ADAMTS15: variants seen among roughly 807,000 people sequenced by gnomAD.
ADAMTS15 encodes the protein ADAM metallopeptidase with thrombospondin type 1 motif 15.
Under a neutral mutation model 79.1 loss-of-function variants are expected in ADAMTS15, and 35 were observed. That is an observed-to-expected ratio of 0.44 (90% CI 0.34 to 0.59). ADAMTS15 has a LOEUF of 0.59. Ranked by LOEUF, ADAMTS15 falls within the 20% of genes least tolerant of loss-of-function variation. The pLI, the probability that ADAMTS15 is intolerant of heterozygous loss-of-function variation, is 0.02. For synonymous variants in ADAMTS15, 616 were observed against 567.3 expected (o/e 1.09, Z -1.22); for missense variants, 1,324 against 1,318.7 (o/e 1.00, Z -0.06).
intron 1 of ADAMTS15, among the ~76,000 whole-genome samples, chr11:130,459,124 C>G (rs1191151811): frequency 1.3e-5 from 2 of 150,868 alleles, no homozygotes; most frequent in African/African-American, 4.9e-5. Context: ...GATTACCCTC[C>G]CAGGCTCAAG....
rs114428943 is a variant in ADAMTS15 at position 130,474,329 on chromosome 11, G to A, written c.*508G>A. 1,778 of 153,762 alleles carry A rather than the reference G, an allele frequency of 0.012. 21 individuals carry two copies. Among genetic ancestry groups the A allele is most frequent in the Admixed American group, 0.02 (307 of 15,480 alleles). 9.5% of individuals were successfully genotyped at this position (153,762 alleles called of 1,614,324 possible). A position where few individuals can be genotyped will look rare whatever the true frequency, so the allele number is the denominator to read the frequency against. ...GGACTAAGCAATAAAAGCTGGCTGG[G>A]GCTGGGCAGAAGCCACGGGGAGAGT... On this transcript the variant is annotated 3_prime_UTR_variant, in exon 8 of 8. Coordinates refer to ENST00000299164, the MANE Select transcript of ADAMTS15 (RefSeq NM_139055.4).
At chr11:130,470,210 G>A (rs12361928) in intron 5 of ADAMTS15, among the ~76,000 whole-genome samples, 932 of 32,190 alleles carry the variant, frequency 0.029, 38 homozygotes, top group African/African-American at 0.053. Flanking sequence ...ATATATATAT[G>A]TATATATATA....
Position 130,449,223 on chromosome 11 carries a change from C to T in ADAMTS15, c.250C>T (p.Leu84=). ...GGCTCCCGCCTTCTCCACTGAGCATCTGGGCGTCCCCCTCCAGGGGCTCAC... is the reference window on the plus strand; with the variant it reads ...GGCTCCCGCCTTCTCCACTGAGCATTTGGGCGTCCCCCTCCAGGGGCTCAC... ...FLAPAFSTEH[L]GVPLQGLTGG... is the part of the protein sequence containing the mutation. The change falls in exon 1 of 8, where the codon CTG becomes TTG. Residue 84 remains leucine (L), a synonymous_variant. Coordinates refer to ENST00000299164, the MANE Select transcript of ADAMTS15 (RefSeq NM_139055.4). This position sits in a 1 kb window ranked among gnomAD's most constrained non-coding sequence, Gnocchi z 7.8. 1 of 1,614,054 alleles carries T rather than the reference C, an allele frequency of 6.2e-7. No homozygotes were observed. Among genetic ancestry groups the T allele is most frequent in the Non-Finnish European group, 8.5e-7 (1 of 1,180,028 alleles).
Position 130,448,947 on chromosome 11 carries a change from C to G in ADAMTS15, c.-27C>G, listed in dbSNP as rs886171492. On this transcript the variant is annotated 5_prime_UTR_variant, in exon 1 of 8. Transcript: ENST00000299164. ...GAGAGCCCGGCCCAGCCCCTTCCCA[C>G]AGCGCGGCGGTGCGCTGCCCGGCGC... is the stretch of plus-strand genomic sequence containing the variant. 6.8e-7 allele frequency: 1 copy of G among 1,474,356 alleles called. No individual in the cohort carries two copies. The highest frequency in any genetic ancestry group is 2.4e-5 in the Admixed American group (1 of 41,560). 91.3% of individuals were successfully genotyped at this position (1,474,356 alleles called of 1,614,324 possible). A position where few individuals can be genotyped will look rare whatever the true frequency, so the allele number is the denominator to read the frequency against.
Position 130,461,614 on chromosome 11 carries a change from C to T in ADAMTS15, c.1083C>T (p.His361=), listed in dbSNP as rs192559172. 206 of 1,614,118 alleles carry T rather than the reference C, an allele frequency of 1.3e-4. No individual in the cohort carries two copies. The highest frequency in any genetic ancestry group is 1.6e-4 in the Non-Finnish European group (192 of 1,180,032). The change falls in exon 2 of 8, where the codon CAC becomes CAT. Residue 361 remains histidine (H), a synonymous_variant. Transcript: ENST00000299164. The part of the protein sequence containing the change: ...DGLPSAFTTA[H]ELGHVFNMPH... ...TTCCATCAGCCTTCACCACTGCCCA[C>T]GAGCTGGGTAAGGCTGGATAAGCTC... is the stretch of plus-strand genomic sequence containing the variant.
Position 130,472,082 on chromosome 11 carries a change from C to T in ADAMTS15, c.2078+699C>T, listed in dbSNP as rs903371023. Among the ~76,000 whole-genome samples the T allele has an allele frequency of 3.9e-5, 6 of 152,244 alleles. No individual in the cohort carries two copies. Among genetic ancestry groups the T allele is most frequent in the South Asian group, 4.1e-4 (2 of 4,836 alleles). The stretch of plus-strand genomic sequence containing the variant: ...CCAGCTTGAGCTTCCTGAGGTCAAA[C>T]ATATGCTCCTTGGAAAGCCCTGACC... On this transcript the variant is annotated intron_variant, in intron 7 of 7. Transcript: ENST00000299164. This position sits in a 1 kb window ranked among gnomAD's most constrained non-coding sequence, Gnocchi z 4.7.
rs550078596 is a variant in ADAMTS15 at position 130,454,331 on chromosome 11, T to G, written c.957+4401T>G. On this transcript the variant is annotated intron_variant, in intron 1 of 7. Coordinates refer to ENST00000299164, the MANE Select transcript of ADAMTS15 (RefSeq NM_139055.4). ...CCTGAGCTTGGTGCTATCTTCTTGT[T>G]TTGACCTTGAGCAGTACTGTGTTTC... 2.6e-5 allele frequency among the ~76,000 whole-genome samples: 4 copies of G among 152,338 alleles called. No homozygotes were observed. In the East Asian group the frequency reaches 5.8e-4, roughly 22 times the overall value.
rs377766675 is a variant in ADAMTS15, at chr11:130,473,364, A to G, written c.2396A>G (p.Tyr799Cys). Residue 799 changes from tyrosine (Y) to cysteine (C), a missense_variant, in exon 8 of 8, where the codon TAT (tyrosine) becomes TGT (cysteine). Coordinates refer to ENST00000299164, the MANE Select transcript of ADAMTS15 (RefSeq NM_139055.4). ...CCGCCCCGGGTCCGCTACTCCTTCT[A>G]TCTGCCCAAAGAGCCTCGGGAGGAC... The part of the protein sequence containing the change: ...MTPPRVRYSF[Y>C]LPKEPREDKS... 3.4e-5 allele frequency: 55 copies of G among 1,612,646 alleles called. No individual in the cohort carries two copies. The highest frequency in any genetic ancestry group is 4.2e-5 in the Non-Finnish European group (50 of 1,179,976).
At chr11:130,470,824 G>T in intron 5 of ADAMTS15, 96 bp from the exon 6 acceptor site, 4 of 1,394,430 alleles carry the variant, frequency 2.9e-6, no homozygotes, top group African/African-American at 1.4e-5. Context: ...GGTGGGAAGG[G>T]CTAAGAGAGC....
chr11:130,471,050 G>A lies in ADAMTS15; in HGVS notation c.1851G>A (p.Lys617=). 2 of 1,613,896 alleles carry A rather than the reference G, an allele frequency of 1.2e-6. No individual in the cohort carries two copies. Among genetic ancestry groups the A allele is most frequent in the Non-Finnish European group, 1.7e-6 (2 of 1,180,038 alleles). The change falls in exon 6 of 8, where the codon AAG becomes AAA. Residue 617 remains lysine, a synonymous_variant. Transcript: ENST00000299164. ...GCGTGTCTCCCCGGGACAAGTGCAAGCTCATCTGCCGAGCCAATGGCACTG... is the reference window on the plus strand; with the variant it reads ...GCGTGTCTCCCCGGGACAAGTGCAAACTCATCTGCCGAGCCAATGGCACTG... ...YSGVSPRDKC[K]LICRANGTGY...
intron 4 of ADAMTS15, among the ~76,000 whole-genome samples, chr11:130,464,196 A>C (rs1344705952): frequency 6.6e-6 from 1 of 152,216 alleles, no homozygotes; most frequent in Non-Finnish European, 1.5e-5. Context: ...CGTCCTGAGA[A>C]GATGAGGCTG....
intron 1 of ADAMTS15, among the ~76,000 whole-genome samples, chr11:130,453,689 C>T (rs913175892): frequency 2.6e-5 from 4 of 152,124 alleles, no homozygotes; most frequent in Admixed American, 6.5e-5. Flanking sequence ...AGCCTCCCAA[C>T]GTTTTGGGAT....
chr11:130,461,630 G>A lies in ADAMTS15; in HGVS notation c.1090+9G>A, dbSNP rs1234081361. ...CACTGCCCACGAGCTGGGTAAGGCTGGATAAGCTCCTCCTGGGGTCTTCTG... is the reference window on the plus strand; with the variant it reads ...CACTGCCCACGAGCTGGGTAAGGCTAGATAAGCTCCTCCTGGGGTCTTCTG... On this transcript the variant is annotated intron_variant, in intron 2 of 7. Coordinates refer to ENST00000299164, the MANE Select transcript of ADAMTS15 (RefSeq NM_139055.4). 8 of 1,613,954 alleles carry A rather than the reference G, an allele frequency of 5.0e-6. No homozygotes were observed. Among genetic ancestry groups the A allele is most frequent in the South Asian group, 1.1e-5 (1 of 91,068 alleles).
intron 4 of ADAMTS15, among the ~76,000 whole-genome samples, chr11:130,468,860 C>G (rs531603655): frequency 6.8e-6 from 1 of 146,150 alleles, no homozygotes; most frequent in Non-Finnish European, 1.5e-5. Flanking sequence ...TCACTTGAAC[C>G]TGGGAGGTGG....
chr11:130,462,682 ACCCG>A lies in ADAMTS15; in HGVS notation c.1447_1450del (p.Arg483ThrfsTer75), dbSNP rs755803718. On this transcript the variant is annotated frameshift_variant, in exon 4 of 8. Coordinates refer to ENST00000299164, the MANE Select transcript of ADAMTS15 (RefSeq NM_139055.4). LOFTEE classifies it high-confidence loss of function. This position sits in a 1 kb window ranked among gnomAD's most constrained non-coding sequence, Gnocchi z 4.3. ...GGCCAAGGGACAGATGGTGTGCCAG[ACCCG>A]CCACTTCCCCTGGGCCGATGGCACC... 6.2e-7 allele frequency: 1 copy of A among 1,604,078 alleles called. No individual in the cohort carries two copies. Among genetic ancestry groups the A allele is most frequent in the Non-Finnish European group, 8.5e-7 (1 of 1,175,726 alleles).
rs1442087102 is a variant in ADAMTS15, at chr11:130,448,922, G to C, written c.-52G>C. ...TGCACGGAGACCGCGGCAGCGGCCG[G>C]AGAGCCCGGCCCAGCCCCTTCCCAC... On this transcript the variant is annotated 5_prime_UTR_variant, in exon 1 of 8. Transcript: ENST00000299164. 4.7e-5 allele frequency: 65 copies of C among 1,370,554 alleles called. No individual in the cohort carries two copies. The highest frequency in any genetic ancestry group is 4.5e-5 in the Non-Finnish European group (47 of 1,047,336). The allele number at this position is 1,370,554 out of a possible 1,614,324, so 84.9% of individuals were successfully genotyped here.
At chr11:130,458,819 A>G (rs1364429463) in intron 1 of ADAMTS15, among the ~76,000 whole-genome samples, 1 of 152,098 alleles carries the variant, frequency 6.6e-6, no homozygotes, top group Non-Finnish European at 1.5e-5. Context: ...GCAGGCTGCA[A>G]CTGCTAGGCT....
intron 1 of ADAMTS15, among the ~76,000 whole-genome samples, chr11:130,458,140 C>T (rs1251939269): frequency 2.0e-5 from 3 of 152,310 alleles, no homozygotes; most frequent in South Asian, 2.1e-4. Flanking sequence ...GCCACAGAGG[C>T]GGCTGCGGGG....
At position 130,449,497 on chromosome 11, in the gene ADAMTS15, G is replaced by A; in HGVS notation, c.524G>A (p.Gly175Glu). 1 of 1,555,060 alleles carries A rather than the reference G, an allele frequency of 6.4e-7. No individual in the cohort carries two copies. The highest frequency in any genetic ancestry group is 1.2e-5 in the South Asian group (1 of 82,222). ...TCCGGAGACCCCACCTCTCGCTGCG[G>A]GGTGGCCTCGGGCTGGAACCCCGCC... The part of the protein sequence containing the change: ...GPSGDPTSRC[G>E]VASGWNPAIL... The change falls in exon 1 of 8, where the codon GGG becomes GAG. Residue 175 changes from glycine (G) to glutamate (E), a missense_variant. By Grantham distance (98) the Gly-to-Glu change is moderately conservative. Coordinates refer to ENST00000299164, the MANE Select transcript of ADAMTS15 (RefSeq NM_139055.4). This position sits in a 1 kb window ranked among gnomAD's most constrained non-coding sequence, Gnocchi z 7.8.
Sources: allele counts gnomAD v4.1 joint callset (sites outside exome capture counted in the v4.1 genomes callset), GRCh38; gene constraint gnomAD v4.1.1; non-coding constraint Gnocchi (gnomAD v3.1); transcripts MANE v1.5; gene names NCBI Gene and HGNC (gene_info 2026-07-23, HGNC 2026-07-21).